NEO1: variants seen among roughly 807,000 people sequenced by gnomAD.
The protein encoded by NEO1 is neogenin.
Under a neutral mutation model 159.7 loss-of-function variants are expected in NEO1, and 63 were observed. That is an observed-to-expected ratio of 0.39 (90% CI 0.32 to 0.49). The LOEUF is 0.49. NEO1 is among the 20% of genes least tolerant of loss of function. NEO1 has a pLI of 0.85. For missense variants in NEO1, 1,615 were observed against 1,831.0 expected (o/e 0.88, Z 2.15); for synonymous variants, 633 against 662.0 (o/e 0.96, Z 0.67).
intron 5 of NEO1, among the ~76,000 whole-genome samples, chr15:73,147,164 G>T (rs1452435498): frequency 6.6e-6 from 1 of 152,146 alleles, no homozygotes; most frequent in Non-Finnish European, 1.5e-5. Context: ...GTCCTTCTTT[G>T]TGGTGGTGTT....
intron 27 of NEO1, among the ~76,000 whole-genome samples, chr15:73,300,894 G>GT (rs1416530240): frequency 6.6e-6 from 1 of 152,184 alleles, no homozygotes; most frequent in African/African-American, 2.4e-5. Context: ...CTGCACGTGC[G>GT]TGTCAGTGAA....
At chr15:73,164,736 A>T (rs1188790880) in intron 5 of NEO1, among the ~76,000 whole-genome samples, 1 of 152,216 alleles carries the variant, frequency 6.6e-6, no homozygotes, top group Non-Finnish European at 1.5e-5. Context: ...GATGCATATT[A>T]TAGCATTTAC....
intron 7 of NEO1, among the ~76,000 whole-genome samples, chr15:73,211,245 T>G (rs984574934): frequency 6.6e-6 from 1 of 152,182 alleles, no homozygotes; most frequent in African/African-American, 2.4e-5. Flanking sequence ...TTTGAAAACA[T>G]GCAGAACCAT....
intron 19 of NEO1, among the ~76,000 whole-genome samples, chr15:73,273,038 C>T (rs1366719730): frequency 6.1e-5 from 9 of 147,478 alleles, no homozygotes; most frequent in Admixed American, 5.5e-4. Flanking sequence ...CCTGCTACTT[C>T]AAGTACCTGT....
At chr15:73,279,738 G>A (rs2041605127) in intron 22 of NEO1, among the ~76,000 whole-genome samples, 1 of 152,184 alleles carries the variant, frequency 6.6e-6, no homozygotes, top group Admixed American at 6.5e-5. Context: ...TAAAGGGAAA[G>A]CTTCCTAGAA....
In NEO1 at chr15:73,303,840, G is replaced by C. The variant is rs1396783128; in HGVS notation, c.*1144G>C. On this transcript the variant is annotated 3_prime_UTR_variant, in exon 29 of 29. Transcript: ENST00000261908. ...CCCATTCTGTAAATCAGAAAGCAAG[G>C]ATGGAGACCCTTTCCTGCTGCTATT... 6.6e-6 allele frequency: 1 copy of C among 152,214 alleles called. No homozygotes were observed. Among genetic ancestry groups the C allele is most frequent in the Non-Finnish European group, 1.5e-5 (1 of 68,058 alleles). The allele number at this position is 152,214 out of a possible 1,614,324, so 9.4% of individuals were successfully genotyped here.
At chr15:73,092,467 T>C (rs1164773170) in intron 1 of NEO1, among the ~76,000 whole-genome samples, 1 of 152,232 alleles carries the variant, frequency 6.6e-6, no homozygotes, top group East Asian at 1.9e-4. Flanking sequence ...ATTAAAATTT[T>C]ATATTAAATA....
intron 5 of NEO1, among the ~76,000 whole-genome samples, chr15:73,137,151 C>T (rs890013138): frequency 1.3e-5 from 2 of 152,100 alleles, no homozygotes; most frequent in African/African-American, 4.8e-5. Flanking sequence ...CCTTGATGCA[C>T]GTTAGTTTAT....
chr15:73,281,143 G>A (rs896450208), intron 22 of NEO1, among the ~76,000 whole-genome samples: 1 of 148,926 alleles, frequency 6.7e-6, no homozygotes, highest in African/African-American at 2.5e-5. Flanking sequence ...GAGGGGCGGA[G>A]CTTGCAGTGA....
At chr15:73,122,490 A>G (rs750177132) in intron 2 of NEO1, 35 bp from the exon 3 acceptor site, 1 of 1,584,538 alleles carries the variant, frequency 6.3e-7, no homozygotes, top group Non-Finnish European at 8.6e-7. Context: ...TAATATTTAA[A>G]TAAATTTTAT....
chr15:73,208,650 C>T (rs1348204736), intron 7 of NEO1, among the ~76,000 whole-genome samples: 1 of 151,898 alleles, frequency 6.6e-6, no homozygotes, highest in African/African-American at 2.4e-5. Flanking sequence ...TCACTTGAGC[C>T]CAGGAGTTCG....
At position 73,258,780 on chromosome 15, in the gene NEO1, A is replaced by G; in HGVS notation, c.2107A>G (p.Thr703Ala). The change falls in exon 14 of 29, where the codon ACT (threonine) becomes GCT (alanine). Residue 703 changes from threonine (T) to alanine (A), a missense_variant. Around this residue, in one of 3 missense-constraint regions of NEO1, gnomAD observed 1,018 missense variants for 1,115.4 expected, o/e 0.91. Coordinates refer to ENST00000261908, the MANE Select transcript of NEO1 (RefSeq NM_002499.4). Reference protein sequence around the residue: ...SQLIEGLDRGTEYNFRVAALT... With the variant: ...SQLIEGLDRGAEYNFRVAALT... ...TTTGGTCTCAGGTCTTGATCGGGGG[A>G]CTGAGTATAATTTCCGAGTGGCTGC... The G allele has an allele frequency of 6.2e-7, 1 of 1,613,588 alleles. No homozygotes were observed. Among genetic ancestry groups the G allele is most frequent in the Non-Finnish European group, 8.5e-7 (1 of 1,179,692 alleles).
At chr15:73,278,967 A>G (rs549202853) in intron 22 of NEO1, among the ~76,000 whole-genome samples, 5 of 152,340 alleles carry the variant, frequency 3.3e-5, no homozygotes, top group African/African-American at 1.2e-4. Context: ...AGTAGTTACT[A>G]GGAATGACCC....
At chr15:73,184,089 A>C (rs1281402771) in intron 7 of NEO1, among the ~76,000 whole-genome samples, 1 of 152,226 alleles carries the variant, frequency 6.6e-6, no homozygotes, top group Non-Finnish European at 1.5e-5. Context: ...TCTATGCAAT[A>C]GAAAGATGTT....
intron 7 of NEO1, among the ~76,000 whole-genome samples, chr15:73,206,849 G>C (rs28560382): frequency 2.0e-5 from 3 of 147,510 alleles, no homozygotes; most frequent in African/African-American, 7.6e-5. Context: ...GTGTGTGTGC[G>C]TGTGTGTGTG....
chr15:73,096,176 A>G (rs1425195774), intron 1 of NEO1, among the ~76,000 whole-genome samples: 3 of 152,224 alleles, frequency 2.0e-5, no homozygotes, highest in Admixed American at 6.5e-5. Context: ...CATCTTGTTC[A>G]TGTCCTAATT....
At chr15:73,066,246 CCT>C (rs1325380133) in intron 1 of NEO1, among the ~76,000 whole-genome samples, 10 of 149,286 alleles carry the variant, frequency 6.7e-5, no homozygotes, top group Non-Finnish European at 1.2e-4. Flanking sequence ...AGGATGGTCT[CCT>C]GACCTCGTGA....
chr15:73,213,771 C>G (rs796140934), intron 7 of NEO1, among the ~76,000 whole-genome samples: 10 of 152,328 alleles, frequency 6.6e-5, no homozygotes, highest in African/African-American at 2.4e-4. Context: ...TTATTTTCCT[C>G]TGGGTAGATA....
intron 5 of NEO1, among the ~76,000 whole-genome samples, chr15:73,175,309 T>A (rs2035218464): frequency 6.6e-6 from 1 of 152,190 alleles, no homozygotes; most frequent in African/African-American, 2.4e-5. Context: ...CTGGAAATTT[T>A]AAAAAATTTA....
Sources: allele counts gnomAD v4.1 joint callset (sites outside exome capture counted in the v4.1 genomes callset), GRCh38; gene constraint gnomAD v4.1.1; regional missense constraint gnomAD v4.1.1; transcripts MANE v1.5; gene names NCBI Gene and HGNC (gene_info 2026-07-23, HGNC 2026-07-21).